The following ACYP2 variants were observed in gnomAD, a reference collection of about 807,000 sequenced individuals.
The protein encoded by ACYP2 is acylphosphatase 2.
ACYP2 carries 12 observed loss-of-function variants against 11.2 expected under a neutral mutation model. The ratio of observed to expected loss-of-function variants is 1.08; its 90% CI spans 0.69 to 1.74. The LOEUF (loss-of-function observed/expected upper bound fraction) is 1.74, where lower values mean the gene tolerates loss of function less well. ACYP2 is among the 40% of genes most tolerant of loss of function. The pLI is 0.00. For synonymous variants in ACYP2, 43 were observed against 32.2 expected (o/e 1.33, Z -1.13); for missense variants, 134 against 101.9 (o/e 1.31, Z -1.35).
chr2:54,197,894 AT>A (rs1251334750), intron 6 of ACYP2, among the ~76,000 whole-genome samples: 1 of 143,358 alleles, frequency 7.0e-6, no homozygotes, highest in African/African-American at 2.5e-5. Flanking sequence ...TCTGCTTAGG[AT>A]TTTATTTTAT....
chr2:54,213,798 CTA>C (rs1287999542), intron 6 of ACYP2, among the ~76,000 whole-genome samples: 2 of 151,086 alleles, frequency 1.3e-5, no homozygotes, highest in African/African-American at 4.9e-5. Flanking sequence ...GGATATCACT[CTA>C]TTGCCCAGGC....
intron 6 of ACYP2, among the ~76,000 whole-genome samples, chr2:54,183,511 G>A (rs1454881187): frequency 6.6e-6 from 1 of 150,546 alleles, no homozygotes; most frequent in Non-Finnish European, 1.5e-5. Flanking sequence ...CAGCCTGGGC[G>A]ACAGAGCGAG....
At chr2:54,253,766 G>C (rs1687347838) in intron 6 of ACYP2, 1 of 152,130 alleles carries the variant, frequency 6.6e-6, no homozygotes, top group Non-Finnish European at 1.5e-5. Flanking sequence ...ATACAGCTCT[G>C]TAGTCCTTTA....
At chr2:54,012,779 G>A (rs1330943329) in intron 2 of ACYP2, among the ~76,000 whole-genome samples, 1 of 152,074 alleles carries the variant, frequency 6.6e-6, no homozygotes, top group Admixed American at 6.6e-5. Context: ...TTCTCAACTA[G>A]CAGCCAGAGT....
intron 6 of ACYP2, among the ~76,000 whole-genome samples, chr2:54,150,792 A>T (rs1259078005): frequency 7.1e-6 from 1 of 140,972 alleles, no homozygotes; most frequent in Non-Finnish European, 1.5e-5. Context: ...CCCAGGCTAG[A>T]GGGCAGTGGT....
chr2:54,194,176 A>T (rs1427171395), intron 6 of ACYP2, among the ~76,000 whole-genome samples: 1 of 152,140 alleles, frequency 6.6e-6, no homozygotes, highest in Non-Finnish European at 1.5e-5. Flanking sequence ...AGTAGCTGGT[A>T]CCACAGGGGT....
chr2:54,089,517 CA>C, intron 4 of ACYP2, among the ~76,000 whole-genome samples: 1 of 152,120 alleles, frequency 6.6e-6, no homozygotes, highest in East Asian at 1.9e-4. Flanking sequence ...GAGGCTGAGG[CA>C]GGAAGATTGA....
intron 3 of ACYP2, among the ~76,000 whole-genome samples, chr2:54,052,025 C>T (rs375576851): frequency 1.2e-4 from 17 of 143,526 alleles, no homozygotes; most frequent in African/African-American, 4.1e-4. Context: ...GGAGCCTGGG[C>T]GACAGAGCAA....
intron 2 of ACYP2, among the ~76,000 whole-genome samples, chr2:54,046,466 A>T (rs1166682904): frequency 6.7e-6 from 1 of 149,930 alleles, no homozygotes; most frequent in African/African-American, 2.5e-5. Flanking sequence ...CAGCCTGGTG[A>T]CAGAGCAAGA....
At chr2:54,043,959 G>A (rs761908436) in intron 2 of ACYP2, among the ~76,000 whole-genome samples, 13 of 152,140 alleles carry the variant, frequency 8.5e-5, no homozygotes, top group Non-Finnish European at 1.3e-4. Context: ...CAGTAAAAAT[G>A]TATGTGAGGA....
chr2:54,096,342 T>C (rs1678578013), intron 4 of ACYP2, among the ~76,000 whole-genome samples: 1 of 141,258 alleles, frequency 7.1e-6, no homozygotes, highest in Non-Finnish European at 1.5e-5. Flanking sequence ...GCTCCTCACT[T>C]TCCAGACTGG....
chr2:54,155,609 T>C (rs1235325928), intron 6 of ACYP2, among the ~76,000 whole-genome samples: 5 of 152,210 alleles, frequency 3.3e-5, no homozygotes, highest in Admixed American at 3.3e-4. Context: ...AACTAATGCC[T>C]GATGATCTGA....
At chr2:54,108,403 G>A (rs1325058490) in intron 4 of ACYP2, among the ~76,000 whole-genome samples, 1 of 152,254 alleles carries the variant, frequency 6.6e-6, no homozygotes, top group Non-Finnish European at 1.5e-5. Flanking sequence ...GAAGGCCCTT[G>A]TTGTCACACT....
chr2:54,292,142 G>T (rs1213882798), intron 6 of ACYP2, among the ~76,000 whole-genome samples: 1 of 152,092 alleles, frequency 6.6e-6, no homozygotes, highest in East Asian at 1.9e-4. Flanking sequence ...CTCCCAAAGT[G>T]CTGGAATTAC....
chr2:54,250,621 A>C (rs1687181409), intron 6 of ACYP2, among the ~76,000 whole-genome samples: 1 of 152,242 alleles, frequency 6.6e-6, no homozygotes, highest in African/African-American at 2.4e-5. Context: ...TAAAAAGCCT[A>C]ATTAAATCTA....
chr2:54,092,416 T>C (rs895235365), intron 4 of ACYP2, among the ~76,000 whole-genome samples: 2 of 152,184 alleles, frequency 1.3e-5, no homozygotes, highest in Non-Finnish European at 2.9e-5. Context: ...TGCCCAGTTG[T>C]GATGGTAAGT....
At chr2:54,106,220 G>T (rs1679148945) in intron 4 of ACYP2, among the ~76,000 whole-genome samples, 1 of 151,952 alleles carries the variant, frequency 6.6e-6, no homozygotes, top group Admixed American at 6.5e-5. Context: ...ACCTTTTAAA[G>T]GTAAGATTTA....
intron 2 of ACYP2, among the ~76,000 whole-genome samples, chr2:53,982,409 A>G (rs1260111445): frequency 1.3e-5 from 2 of 152,174 alleles, no homozygotes; most frequent in Non-Finnish European, 2.9e-5. Context: ...ACATTTATTT[A>G]TGTCCCCAGA....
At chr2:54,270,557 T>C (rs1011891862) in intron 6 of ACYP2, among the ~76,000 whole-genome samples, 1 of 152,110 alleles carries the variant, frequency 6.6e-6, no homozygotes, top group Non-Finnish European at 1.5e-5. Context: ...CAGTGAGCCA[T>C]GATCACACAA....
Sources: gnomAD v4.1 joint callset for allele counts (sites outside exome capture counted in the v4.1 genomes callset) on GRCh38, gnomAD v4.1.1 for gene constraint, MANE v1.5 for transcripts, NCBI Gene and HGNC (gene_info 2026-07-23, HGNC 2026-07-21) for gene names.